The following DAB1 variants were observed in gnomAD, a reference collection of about 807,000 sequenced individuals.
The protein encoded by DAB1 is disabled homolog 1.
A neutral mutation model predicts 64.6 loss-of-function variants in DAB1; 15 were observed. The observed-to-expected ratio is 0.23, with a 90% confidence interval of 0.16 to 0.36. The LOEUF is 0.36. Ranked by LOEUF, DAB1 falls within the 10% of genes least tolerant of loss-of-function variation. The pLI is 1.00. For synonymous variants in DAB1, 235 were observed against 251.9 expected (o/e 0.93, Z 0.64); for missense variants, 596 against 706.7 (o/e 0.84, Z 1.78).
intron 5 of DAB1, among the ~76,000 whole-genome samples, chr1:57,911,936 T>C (rs953043440): frequency 1.3e-5 from 2 of 152,190 alleles, no homozygotes; most frequent in South Asian, 4.1e-4. Flanking sequence ...CAAACTATTT[T>C]ATAACTAATC....
chr1:57,377,350 T>A (rs916090152), intron 1 of DAB1, among the ~76,000 whole-genome samples: 1 of 151,710 alleles, frequency 6.6e-6, no homozygotes, highest in African/African-American at 2.4e-5. Flanking sequence ...TCAAATGTGG[T>A]CTAGGTATGC....
At chr1:58,348,474 G>GCAT in intron 3 of DAB1, among the ~76,000 whole-genome samples, 1 of 152,264 alleles carries the variant, frequency 6.6e-6, no homozygotes, top group East Asian at 1.9e-4. Context: ...TCTTGATGTT[G>GCAT]CTAGCAGATG....
At chr1:57,692,003 G>T (rs995189820) in intron 6 of DAB1, among the ~76,000 whole-genome samples, 1 of 152,032 alleles carries the variant, frequency 6.6e-6, no homozygotes. Flanking sequence ...GCATTGGTTT[G>T]CCTGGAACCA....
intron 1 of DAB1, among the ~76,000 whole-genome samples, chr1:57,292,587 TG>T (rs1672863734): frequency 6.6e-6 from 1 of 152,178 alleles, no homozygotes; most frequent in Non-Finnish European, 1.5e-5. Context: ...CAATGGGAGA[TG>T]GCAGAGTCAC....
At chr1:58,143,111 A>AC (rs1203728019) in intron 5 of DAB1, among the ~76,000 whole-genome samples, 1 of 152,164 alleles carries the variant, frequency 6.6e-6, no homozygotes, top group African/African-American at 2.4e-5. Flanking sequence ...TCTAAAGCAC[A>AC]CTGAAGTTTG....
chr1:57,647,543 A>T (rs973703837), intron 7 of DAB1, among the ~76,000 whole-genome samples: 1 of 152,078 alleles, frequency 6.6e-6, no homozygotes, highest in Non-Finnish European at 1.5e-5. Flanking sequence ...TTGCTGATTC[A>T]CCATTCCTAA....
chr1:57,716,840 CAG>C (rs1230006606), intron 6 of DAB1, among the ~76,000 whole-genome samples: 1 of 152,144 alleles, frequency 6.6e-6, no homozygotes. Flanking sequence ...ATATGTCTGA[CAG>C]GGGTTAATAC....
chr1:58,073,833 G>C (rs963977179), intron 5 of DAB1, among the ~76,000 whole-genome samples: 3 of 152,170 alleles, frequency 2.0e-5, no homozygotes, highest in African/African-American at 7.2e-5. Flanking sequence ...GGTATAATTA[G>C]AGGAAGGTGG....
At chr1:58,267,654 C>G (rs584517) in intron 4 of DAB1, among the ~76,000 whole-genome samples, 38,053 of 152,026 alleles carry the variant, frequency 0.25, 5,532 homozygotes, top group African/African-American at 0.39. Context: ...GATGGTTCCC[C>G]AGAGAAATGA....
chr1:58,424,078 C>G (rs1032309471), intron 3 of DAB1, among the ~76,000 whole-genome samples: 2 of 152,142 alleles, frequency 1.3e-5, no homozygotes, highest in African/African-American at 4.8e-5. Flanking sequence ...GGTCTTCTGT[C>G]TCAGCAGAGA....
intron 1 of DAB1, among the ~76,000 whole-genome samples, chr1:57,407,706 C>T (rs1448284813): frequency 1.3e-5 from 2 of 151,492 alleles, no homozygotes; most frequent in Non-Finnish European, 2.9e-5. Flanking sequence ...AATGGGGATA[C>T]GAATGGCCAT....
intron 3 of DAB1, among the ~76,000 whole-genome samples, chr1:58,367,147 C>T (rs1335085950): frequency 1.3e-5 from 2 of 152,132 alleles, no homozygotes; most frequent in South Asian, 2.1e-4. Flanking sequence ...GGAATAAATA[C>T]TTATTTATCC....
At chr1:58,140,217 T>A (rs999358789) in intron 5 of DAB1, among the ~76,000 whole-genome samples, 1 of 152,192 alleles carries the variant, frequency 6.6e-6, no homozygotes, top group African/African-American at 2.4e-5. Flanking sequence ...TGAGGCTCAA[T>A]AGAAGAATGA....
chr1:57,441,391 C>A (rs1685955654), intron 7 of DAB1, among the ~76,000 whole-genome samples: 1 of 149,418 alleles, frequency 6.7e-6, no homozygotes, highest in Non-Finnish European at 1.5e-5. Flanking sequence ...AGGGTTCTCA[C>A]TTTGGAGAGG....
chr1:58,130,950 C>G (rs1176362650), intron 5 of DAB1, among the ~76,000 whole-genome samples: 1 of 147,628 alleles, frequency 6.8e-6, no homozygotes, highest in Non-Finnish European at 1.5e-5. Flanking sequence ...AGTTGCTCTT[C>G]TCGAGGAGTA....
intron 3 of DAB1, among the ~76,000 whole-genome samples, chr1:58,421,471 C>A (rs190347146): frequency 1.8e-4 from 28 of 152,320 alleles, no homozygotes; most frequent in African/African-American, 6.5e-4. Context: ...AAAAAAAGTT[C>A]TTAATTTGTG....
At chr1:58,210,932 A>T (rs1002248374) in intron 4 of DAB1, among the ~76,000 whole-genome samples, 1 of 152,148 alleles carries the variant, frequency 6.6e-6, no homozygotes, top group Non-Finnish European at 1.5e-5. Flanking sequence ...ATTTGAGGAG[A>T]GTTATGAAAA....
intron 3 of DAB1, among the ~76,000 whole-genome samples, chr1:58,466,332 T>C (rs1485415804): frequency 1.3e-5 from 2 of 152,066 alleles, no homozygotes; most frequent in East Asian, 3.9e-4. Flanking sequence ...CATGGACTTG[T>C]GGCTTTTCCA....
chr1:57,792,485 A>G (rs890600077), intron 6 of DAB1, among the ~76,000 whole-genome samples: 1 of 152,192 alleles, frequency 6.6e-6, no homozygotes, highest in African/African-American at 2.4e-5. Flanking sequence ...CTATTTTTAG[A>G]TTCCAAAAGC....
Sources: allele counts gnomAD v4.1 joint callset (sites outside exome capture counted in the v4.1 genomes callset), GRCh38; gene constraint gnomAD v4.1.1; transcripts MANE v1.5; gene names NCBI Gene and HGNC (gene_info 2026-07-23, HGNC 2026-07-21).